Variants in CHLSN observed in about 807,000 individuals in gnomAD.
CHLSN encodes the protein protein cholesin.
At chr7:980,648 G>C in the CHLSN span, among the ~76,000 whole-genome samples, 2 of 150,732 alleles carry the variant, frequency 1.3e-5, no homozygotes, top group East Asian at 2.0e-4. Context: ...ACAGGCAGCC[G>C]TTAGAGGAGT....
the CHLSN span, among the ~76,000 whole-genome samples, chr7:1,105,339 C>T: frequency 1.1e-4 from 16 of 152,236 alleles, no homozygotes; most frequent in Non-Finnish European, 2.1e-4. Context: ...CCGGTTCTGC[C>T]GCCGGCCGGC....
At chr7:1,011,887 C>A in the CHLSN span, among the ~76,000 whole-genome samples, 1 of 152,228 alleles carries the variant, frequency 6.6e-6, no homozygotes, top group African/African-American at 2.4e-5. Context: ...GTGGGAAGGC[C>A]TGGGCCGCCC....
the CHLSN span, among the ~76,000 whole-genome samples, chr7:1,099,641 C>CT: frequency 6.6e-6 from 1 of 150,674 alleles, no homozygotes; most frequent in Non-Finnish European, 1.5e-5. Flanking sequence ...GCTGAACTGA[C>CT]TGAGTCTCTC....
the CHLSN span, among the ~76,000 whole-genome samples, chr7:1,048,971 C>G: frequency 0.61 from 92,514 of 152,206 alleles, 28,980 homozygotes; most frequent in African/African-American, 0.75. Flanking sequence ...ATCAAAGCCC[C>G]AACTCAGAAC....
At chr7:994,886 C>T in the CHLSN span, among the ~76,000 whole-genome samples, 1 of 152,256 alleles carries the variant, frequency 6.6e-6, no homozygotes, top group East Asian at 1.9e-4. Context: ...GAGAAAAGCA[C>T]GCATGCCCAC....
At chr7:991,486 G>A in the CHLSN span, among the ~76,000 whole-genome samples, 62 of 149,682 alleles carry the variant, frequency 4.1e-4, no homozygotes, top group Non-Finnish European at 1.0e-4. Context: ...CGGGCAGGAG[G>A]GAAGGGGGGG....
chr7:1,090,803 A>G, the CHLSN span, among the ~76,000 whole-genome samples: 1 of 152,280 alleles, frequency 6.6e-6, no homozygotes, highest in South Asian at 2.1e-4. Flanking sequence ...TAAAACATGA[A>G]ATAAAAACGT....
At chr7:1,092,108 C>T in the CHLSN span, 1 of 1,613,868 alleles carries the variant, frequency 6.2e-7, no homozygotes, top group African/African-American at 1.3e-5. Context: ...TACGACATCG[C>T]CGTCCTGTGC....
the CHLSN span, among the ~76,000 whole-genome samples, chr7:1,006,520 TACTGCAGGGAAAGAGCACACGACGGCCAC>T: frequency 5.8e-5 from 1 of 17,112 alleles, no homozygotes; most frequent in Non-Finnish European, 1.2e-4. Flanking sequence ...ACGACGGCCA[TACTGCAGGGAAAGAGCACACGACGGCCAC>T]AGCGCAGGGA....
chr7:1,011,039 C>A, the CHLSN span, among the ~76,000 whole-genome samples: 1 of 151,522 alleles, frequency 6.6e-6, no homozygotes, highest in Non-Finnish European at 1.5e-5. Flanking sequence ...GGCAAGCCCC[C>A]CTACATACAG....
At chr7:1,131,055 G>T in the CHLSN span, among the ~76,000 whole-genome samples, 1 of 152,142 alleles carries the variant, frequency 6.6e-6, no homozygotes, top group South Asian at 2.1e-4. Context: ...GCTACGCTTG[G>T]TGGTGCACAC....
chr7:1,061,997 C>T, the CHLSN span, among the ~76,000 whole-genome samples: 1 of 152,256 alleles, frequency 6.6e-6, no homozygotes, highest in Non-Finnish European at 1.5e-5. Context: ...TCCAGGCAGC[C>T]GTCTGCCCAA....
chr7:1,102,576 A>T, the CHLSN span, among the ~76,000 whole-genome samples: 1 of 144,474 alleles, frequency 6.9e-6, no homozygotes, highest in Admixed American at 6.9e-5. Context: ...CTGTTTTTAA[A>T]ATTTTTTTTT....
At chr7:1,028,525 C>T in the CHLSN span, 2 of 985,150 alleles carry the variant, frequency 2.0e-6, no homozygotes, top group Non-Finnish European at 2.4e-6. Flanking sequence ...CTGCAGCCCC[C>T]ACTGCTCCTC....
At chr7:1,010,664 C>A in the CHLSN span, among the ~76,000 whole-genome samples, 1 of 152,196 alleles carries the variant, frequency 6.6e-6, no homozygotes, top group Non-Finnish European at 1.5e-5. Flanking sequence ...GGCCAAGACC[C>A]CCAAGGGAGG....
the CHLSN span, among the ~76,000 whole-genome samples, chr7:1,008,274 G>A: frequency 2.6e-5 from 4 of 152,198 alleles, no homozygotes; most frequent in East Asian, 1.9e-4. Context: ...TCGAGACGCT[G>A]CACTAACGGC....
chr7:980,614 T>C, the CHLSN span, among the ~76,000 whole-genome samples: 2 of 151,754 alleles, frequency 1.3e-5, no homozygotes, highest in Middle Eastern at 3.2e-3. Flanking sequence ...CACCCGGCCA[T>C]GCCCCCCAGA....
At chr7:980,808 C>G in the CHLSN span, among the ~76,000 whole-genome samples, 1 of 151,712 alleles carries the variant, frequency 6.6e-6, no homozygotes, top group Non-Finnish European at 1.5e-5. Context: ...CTGCCTCAGC[C>G]TCCTGAGTAG....
the CHLSN span, among the ~76,000 whole-genome samples, chr7:1,011,448 C>T: frequency 1.5e-4 from 23 of 148,424 alleles, no homozygotes; most frequent in South Asian, 6.4e-4. Context: ...CACCCAAACA[C>T]GCCCACAGAC....
Sources: allele counts gnomAD v4.1 joint callset (sites outside exome capture counted in the v4.1 genomes callset), GRCh38; gene constraint gnomAD v4.1.1; transcripts MANE v1.5; gene names NCBI Gene and HGNC (gene_info 2026-07-23, HGNC 2026-07-21).